Variants in FGD1 observed in about 807,000 individuals in gnomAD.
The protein encoded by FGD1 is FYVE, RhoGEF and PH domain containing 1, also known as FYVE, RhoGEF and PH domain-containing protein 1.
A neutral mutation model predicts 65.0 loss-of-function variants in FGD1; 12 were observed. The ratio of observed to expected loss-of-function variants is 0.18; its 90% confidence interval spans 0.12 to 0.30. The LOEUF (loss-of-function observed/expected upper bound fraction) is 0.30, where lower values mean the gene tolerates loss of function less well. FGD1 is among the 10% of genes least tolerant of loss of function. The probability of loss-of-function intolerance (pLI) is 1.00; values close to 1 mark genes in which losing one functional copy is unlikely to be tolerated. For missense variants in FGD1, 542 were observed against 837.6 expected (o/e 0.65, Z 4.36); for synonymous variants, 333 against 343.9 (o/e 0.97, Z 0.35).
At position 54,455,431 on chromosome X, in the gene FGD1, T is replaced by G; in HGVS notation, c.2015+17A>C. Reference sequence around the variant, plus strand: ...GGAGGTAGGCGCTGGAGGAAAGGCATAGGCAAGGATAAGTACCTGGCCTGG... The same window carrying G: ...GGAGGTAGGCGCTGGAGGAAAGGCAGAGGCAAGGATAAGTACCTGGCCTGG... On this transcript the variant is annotated intron_variant, in intron 12 of 17. Transcript: ENST00000375135. The G allele has an allele frequency of 8.5e-7, 1 of 1,177,269 alleles. No homozygotes were observed. Among genetic ancestry groups the G allele is most frequent in the Non-Finnish European group, 1.2e-6 (1 of 864,162 alleles).
chrX:54,450,671 T>G (rs999306449), intron 12 of FGD1, among the ~76,000 whole-genome samples: 6 of 111,081 alleles, frequency 5.4e-5, no homozygotes, highest in South Asian at 3.8e-4. Context: ...TGAGGACTTT[T>G]CAAGGAGGTG....
intron 8 of FGD1, among the ~76,000 whole-genome samples, chrX:54,464,190 T>TGATGCAATC (rs1922708898): frequency 1.0e-5 from 1 of 95,459 alleles, no homozygotes; most frequent in South Asian, 5.2e-4. Flanking sequence ...TGAAGTGTAG[T>TGATGCAATC]GATGCAATCT....
At position 54,467,440 on chromosome X, in the gene FGD1, C is replaced by T. The variant is rs560891770; in HGVS notation, c.1340+344G>A. The stretch of plus-strand genomic sequence containing the variant: ...GTGCAATTTCGGGTCACCACACCTC[C>T]GCCTCCTGGGTTCAAGCGATTCTTG... On this transcript the variant is annotated intron_variant, in intron 6 of 17. Transcript: ENST00000375135. 6.8e-4 allele frequency among the ~76,000 whole-genome samples: 74 copies of T among 108,919 alleles called. No homozygotes were observed. The South Asian group carries it at 0.03, about 44-fold the overall frequency. 94.6% of individuals were successfully genotyped at this position (108,919 alleles called of 115,157 possible). A position where few individuals can be genotyped will look rare whatever the true frequency, so the allele number is the denominator to read the frequency against.
intron 4 of FGD1, 148 bp from the exon 5 acceptor site, chrX:54,469,024 T>A (rs1486860490): frequency 4.1e-6 from 2 of 489,669 alleles, no homozygotes; most frequent in African/African-American, 4.7e-5. Flanking sequence ...GATCTGTAAG[T>A]CCTTCAGCTT....
Position 54,470,392 on chromosome X carries a change from A to G in FGD1, c.725T>C (p.Val242Ala), listed in dbSNP as rs1286845594. Residue 242 changes from valine to alanine, a missense_variant, in exon 4 of 18, where the codon GTC (valine) becomes GCC (alanine). Coordinates refer to ENST00000375135, the MANE Select transcript of FGD1 (RefSeq NM_004463.3). ...CTGCGAGGTTGGCTGTGGCAACATG[A>G]CTGGCTCTGGGGGACCTGGGCTGGG... is the stretch of plus-strand genomic sequence containing the variant. Reference protein sequence around the residue: ...PGPSPGPPEPVMLPQPTSQPP... With the variant: ...PGPSPGPPEPAMLPQPTSQPP... 2 of 1,208,064 alleles carry G rather than the reference A, an allele frequency of 1.7e-6. No individual in the cohort carries two copies. The highest frequency in any genetic ancestry group is 1.7e-5 in the African/African-American group (1 of 57,171).
Position 54,467,104 on chromosome X carries a change from C to T in FGD1, c.1340+680G>A, listed in dbSNP as rs190075556. On this transcript the variant is annotated intron_variant, in intron 6 of 17. Coordinates refer to ENST00000375135, the MANE Select transcript of FGD1 (RefSeq NM_004463.3). ...GTATTAAGTTATTTAATCCTTAAAA[C>T]AACCCTACAAGGTAGGCCGTTATTA... Among the ~76,000 whole-genome samples the T allele has an allele frequency of 5.9e-4, 65 of 110,929 alleles. 1 individual carries two copies. Among genetic ancestry groups the T allele is most frequent in the African/African-American group, 2.0e-3 (61 of 30,577 alleles).
At chrX:54,472,081 G>C (rs750032489) in intron 1 of FGD1, among the ~76,000 whole-genome samples, 1 of 110,581 alleles carries the variant, frequency 9.0e-6, no homozygotes, top group African/African-American at 3.3e-5. Flanking sequence ...AATTTGAGAT[G>C]AGTTTGGGCA....
intron 1 of FGD1, among the ~76,000 whole-genome samples, chrX:54,473,821 C>T (rs1173534967): frequency 2.7e-5 from 3 of 110,008 alleles, no homozygotes; most frequent in Non-Finnish European, 5.7e-5. Flanking sequence ...TCTGTCTCTA[C>T]AAAAATACAA....
intron 1 of FGD1, among the ~76,000 whole-genome samples, chrX:54,489,030 A>G (rs1006629683): frequency 2.7e-5 from 3 of 112,576 alleles, no homozygotes; most frequent in African/African-American, 9.7e-5. Context: ...AATTACAACA[A>G]AAACAAAAAT....
At chrX:54,472,521 C>T (rs1922918391) in intron 1 of FGD1, among the ~76,000 whole-genome samples, 1 of 111,077 alleles carries the variant, frequency 9.0e-6, no homozygotes, top group Admixed American at 9.6e-5. Flanking sequence ...CCTAAAGCCA[C>T]CTCTATCTTT....
intron 12 of FGD1, among the ~76,000 whole-genome samples, chrX:54,452,785 AC>A (rs1315761876): frequency 9.1e-6 from 1 of 109,871 alleles, no homozygotes; most frequent in East Asian, 2.8e-4. Context: ...AAATAAAATC[AC>A]CTGGGGGGCT....
At chrX:54,491,470 G>A (rs1371461977) in intron 1 of FGD1, among the ~76,000 whole-genome samples, 2 of 112,324 alleles carry the variant, frequency 1.8e-5, no homozygotes, top group African/African-American at 6.5e-5. Context: ...TTGGGAGTGA[G>A]TTGACAGAAG....
intron 8 of FGD1, among the ~76,000 whole-genome samples, chrX:54,463,598 T>G (rs1168882913): frequency 1.8e-5 from 2 of 111,699 alleles, no homozygotes; most frequent in Non-Finnish European, 3.8e-5. Context: ...TCCATCTCCT[T>G]ATCTTGGCCT....
intron 8 of FGD1, among the ~76,000 whole-genome samples, chrX:54,463,525 CTT>C (rs1015890264): frequency 1.1e-4 from 12 of 112,182 alleles, no homozygotes; most frequent in African/African-American, 2.9e-4. Flanking sequence ...CTCTCTCTCT[CTT>C]GCTCCCCAAG....
chrX:54,475,110 C>T (rs1283239660), intron 1 of FGD1, among the ~76,000 whole-genome samples: 2 of 112,394 alleles, frequency 1.8e-5, no homozygotes, highest in African/African-American at 6.5e-5. Context: ...TCTCACCTGA[C>T]AGCCCACAGA....
Position 54,455,787 on chromosome X carries a change from AG to A in FGD1, c.1843-4del. ...CAGTAAAGGAGGCGGTCGTTGAACT[AG>A]GAAGGAAAAAGTTTGGGATGTATGT... On this transcript the variant is annotated splice_region_variant and splice_polypyrimidine_tract_variant and intron_variant, in intron 10 of 17. Coordinates refer to ENST00000375135, the MANE Select transcript of FGD1 (RefSeq NM_004463.3). 8.5e-7 allele frequency: 1 copy of A among 1,173,175 alleles called. No individual in the cohort carries two copies.
chrX:54,464,194 G>A (rs1449449592), intron 8 of FGD1, among the ~76,000 whole-genome samples: 1 of 89,410 alleles, frequency 1.1e-5, no homozygotes, highest in Non-Finnish European at 2.1e-5. Flanking sequence ...GTGTAGTGAT[G>A]CAATCTTGGC....
chrX:54,489,425 T>C (rs1055436393), intron 1 of FGD1, among the ~76,000 whole-genome samples: 2 of 111,623 alleles, frequency 1.8e-5, no homozygotes, highest in Non-Finnish European at 3.8e-5. Flanking sequence ...CTACTAAAAA[T>C]ACAAAGATCA....
chrX:54,447,705 TC>T (rs1922262431), intron 16 of FGD1, among the ~76,000 whole-genome samples: 2 of 112,625 alleles, frequency 1.8e-5, no homozygotes, highest in Non-Finnish European at 3.7e-5. Flanking sequence ...TGTGCGGATC[TC>T]AGGCATTCTT....
Sources: gnomAD v4.1 joint callset for allele counts (sites outside exome capture counted in the v4.1 genomes callset) on GRCh38, gnomAD v4.1.1 for gene constraint, MANE v1.5 for transcripts, NCBI Gene and HGNC (gene_info 2026-07-23, HGNC 2026-07-21) for gene names.